The following GALNT5 variants were observed in gnomAD, a reference collection of about 807,000 sequenced individuals.
The protein encoded by GALNT5 is UDP-GalNAc:polypeptide N-acetylgalactosaminyltransferase 5.
A neutral mutation model predicts 85.4 loss-of-function variants in GALNT5; 72 were observed. That is an observed-to-expected ratio of 0.84 (90% CI 0.70 to 1.03). The LOEUF is 1.03. GALNT5 is among the 50% of genes least tolerant of loss of function. The probability of loss-of-function intolerance (pLI) is 0.00; values close to 1 mark genes in which losing one functional copy is unlikely to be tolerated. For missense variants in GALNT5, 1,137 were observed against 1,135.5 expected (o/e 1.00, Z -0.02); for synonymous variants, 404 against 397.0 (o/e 1.02, Z -0.21).
Position 157,259,039 on chromosome 2 carries a change from A to T in GALNT5, c.957A>T (p.Glu319Asp). Reference sequence around the variant, plus strand: ...ATGGGAAGAAACTCAATTTCTCTGAAAGCCATCTTGTGATTATAACCAAAG... The same window carrying T: ...ATGGGAAGAAACTCAATTTCTCTGATAGCCATCTTGTGATTATAACCAAAG... ...GAHGKKLNFSESHLVIITKEE... is the reference protein window; with the variant it reads ...GAHGKKLNFSDSHLVIITKEE... The change falls in exon 1 of 10, where the codon GAA (glutamate) becomes GAT (aspartate). Residue 319 changes from glutamate to aspartate, a missense_variant. Transcript: ENST00000259056. The T allele has an allele frequency of 6.8e-7, 1 of 1,475,034 alleles. No homozygotes were observed. The highest frequency in any genetic ancestry group is 9.0e-7 in the Non-Finnish European group (1 of 1,111,220). 91.4% of individuals were successfully genotyped at this position (1,475,034 alleles called of 1,614,324 possible).
rs1682222926 is a variant in GALNT5, at chr2:157,257,950, T to C, written c.-133T>C. 6.9e-6 allele frequency: 6 copies of C among 864,450 alleles called. No individual in the cohort carries two copies. The highest frequency in any genetic ancestry group is 1.1e-5 in the Non-Finnish European group (6 of 533,126). The allele number at this position is 864,450 out of a possible 1,614,324, so 53.5% of individuals were successfully genotyped here. A position where few individuals can be genotyped will look rare whatever the true frequency, so the allele number is the denominator to read the frequency against. ...GCTTTCCCCTTGGACTGCTGCTTCC[T>C]GCTGTGTTCAGGGGAGGGGGTCACT... On this transcript the variant is annotated 5_prime_UTR_variant, in exon 1 of 10. Transcript: ENST00000259056.
chr2:157,289,593 C>A (rs765148724), intron 3 of GALNT5, among the ~76,000 whole-genome samples: 6 of 152,106 alleles, frequency 3.9e-5, no homozygotes, highest in Non-Finnish European at 5.9e-5. Context: ...TGAAAAACCC[C>A]AGCTAGGTGT....
In GALNT5 at chr2:157,311,595, A is replaced by T. The variant is rs534431516; in HGVS notation, c.*247A>T. 3.4e-6 allele frequency: 1 copy of T among 297,834 alleles called. No homozygotes were observed. Among genetic ancestry groups the T allele is most frequent in the Non-Finnish European group, 6.1e-6 (1 of 163,000 alleles). 18.4% of individuals were successfully genotyped at this position (297,834 alleles called of 1,614,324 possible). A position where few individuals can be genotyped will look rare whatever the true frequency, so the allele number is the denominator to read the frequency against. The stretch of plus-strand genomic sequence containing the variant: ...TTGCCTGCTTTCCACCCTATGCTAG[A>T]CCTCATCATGCAAATTTCCCTGTGA... On this transcript the variant is annotated 3_prime_UTR_variant, in exon 10 of 10. Transcript: ENST00000259056.
chr2:157,272,426 C>T (rs1486787091), intron 1 of GALNT5, among the ~76,000 whole-genome samples: 1 of 152,094 alleles, frequency 6.6e-6, no homozygotes, highest in African/African-American at 2.4e-5. Context: ...AGGTTTGTTA[C>T]AGGGTATATT....
At position 157,272,289 on chromosome 2, in the gene GALNT5, CCCT is replaced by C. The variant is rs1171616440; in HGVS notation, c.1455-11989_1455-11987del. Among the ~76,000 whole-genome samples, 4 of 152,104 alleles carry C rather than the reference CCCT, an allele frequency of 2.6e-5. No individual in the cohort carries two copies. The East Asian group carries it at 5.8e-4, about 22-fold the overall frequency. On this transcript the variant is annotated intron_variant, in intron 1 of 9. Coordinates refer to ENST00000259056, the MANE Select transcript of GALNT5 (RefSeq NM_014568.3). ...ATTTTCCTGGTATCCCACCTATCTA[CCCT>C]CCTATTTCTTTCTTTTCTAGGTTTT... is the stretch of plus-strand genomic sequence containing the variant.
intron 1 of GALNT5, among the ~76,000 whole-genome samples, chr2:157,283,274 A>C (rs968517004): frequency 2.0e-5 from 3 of 152,230 alleles, no homozygotes; most frequent in Non-Finnish European, 4.4e-5. Flanking sequence ...TATGATCATC[A>C]TTAATTATCA....
chr2:157,301,373 G>T, intron 7 of GALNT5: 1 of 257,820 alleles, frequency 3.9e-6, no homozygotes, highest in South Asian at 4.9e-5. Flanking sequence ...CTCTCATTTA[G>T]GGAACAGGCC....
intron 1 of GALNT5, among the ~76,000 whole-genome samples, chr2:157,276,267 T>G (rs1412047605): frequency 6.6e-6 from 1 of 152,182 alleles, no homozygotes; most frequent in African/African-American, 2.4e-5. Context: ...ATCAGGGATA[T>G]TGGTCTAAAA....
intron 1 of GALNT5, among the ~76,000 whole-genome samples, chr2:157,262,142 T>C (rs1364647090): frequency 6.8e-6 from 1 of 148,138 alleles, no homozygotes; most frequent in Non-Finnish European, 1.5e-5. Flanking sequence ...TCCACTGTTA[T>C]AGATGAATTC....
At chr2:157,275,254 A>G (rs995306703) in intron 1 of GALNT5, among the ~76,000 whole-genome samples, 1 of 152,200 alleles carries the variant, frequency 6.6e-6, no homozygotes, top group Non-Finnish European at 1.5e-5. Context: ...GTTTGAAGTC[A>G]GGTAGCGTGA....
At chr2:157,266,819 T>C (rs1393281818) in intron 1 of GALNT5, among the ~76,000 whole-genome samples, 1 of 152,186 alleles carries the variant, frequency 6.6e-6, no homozygotes, top group African/African-American at 2.4e-5. Flanking sequence ...TCATATGACA[T>C]TGGCAGAAAT....
Position 157,316,712 on chromosome 2 carries a change from A to G in GALNT5, c.*5364A>G, listed in dbSNP as rs1683713178. On this transcript the variant is annotated 3_prime_UTR_variant, in exon 10 of 10. Coordinates refer to ENST00000259056, the MANE Select transcript of GALNT5 (RefSeq NM_014568.3). ...GTATTATATATCCCTAATGAAGCTT[A>G]ATGGATAGTATTCCAGGTGTTGGTG... Among the ~76,000 whole-genome samples the G allele has an allele frequency of 6.6e-6, 1 of 152,192 alleles. No individual in the cohort carries two copies. Among genetic ancestry groups the G allele is most frequent in the Non-Finnish European group, 1.5e-5 (1 of 68,030 alleles).
At chr2:157,268,979 A>G (rs1379881865) in intron 1 of GALNT5, among the ~76,000 whole-genome samples, 1 of 152,206 alleles carries the variant, frequency 6.6e-6, no homozygotes, top group Non-Finnish European at 1.5e-5. Context: ...CCCATGATAT[A>G]GGCAGAAATT....
intron 3 of GALNT5, among the ~76,000 whole-genome samples, chr2:157,292,777 C>T (rs1558899592): frequency 6.6e-6 from 1 of 152,024 alleles, no homozygotes; most frequent in East Asian, 1.9e-4. Flanking sequence ...GTGATCTCTG[C>T]TCACTGCAAC....
In GALNT5 at chr2:157,258,166, T is replaced by C. The variant is rs887724104; in HGVS notation, c.84T>C (p.Phe28=). 6.2e-7 allele frequency: 1 copy of C among 1,614,042 alleles called. No individual in the cohort carries two copies. The highest frequency in any genetic ancestry group is 1.7e-5 in the Admixed American group (1 of 60,018). The change falls in exon 1 of 10, where the codon TTT becomes TTC. Residue 28 remains phenylalanine, a synonymous_variant. Transcript: ENST00000259056. ...TAGCTTCTGTCATCTGGCTCCTCTTTGACATGGCAGCTCTCCGCCTCTCAT... is the reference window on the plus strand; with the variant it reads ...TAGCTTCTGTCATCTGGCTCCTCTTCGACATGGCAGCTCTCCGCCTCTCAT... ...IFVASVIWLL[F]DMAALRLSFS... is the part of the protein sequence containing the mutation.
intron 1 of GALNT5, among the ~76,000 whole-genome samples, chr2:157,272,224 C>T (rs1254397457): frequency 6.6e-6 from 1 of 151,986 alleles, no homozygotes; most frequent in African/African-American, 2.4e-5. Flanking sequence ...TGATTCTGTC[C>T]ATGTCTACTC....
Position 157,316,352 on chromosome 2 carries a change from A to G in GALNT5, c.*5004A>G, listed in dbSNP as rs1683704606. Among the ~76,000 whole-genome samples the G allele has an allele frequency of 6.6e-6, 1 of 152,090 alleles. No homozygotes were observed. Among genetic ancestry groups the G allele is most frequent in the Non-Finnish European group, 1.5e-5 (1 of 68,010 alleles). On this transcript the variant is annotated 3_prime_UTR_variant, in exon 10 of 10. Coordinates refer to ENST00000259056, the MANE Select transcript of GALNT5 (RefSeq NM_014568.3). ...TTAAAGGAAAAATCCACCGAGAACT[A>G]TTTTACCCTTTCTAATGGCCTAAAA...
chr2:157,295,864 T>A, intron 4 of GALNT5, 66 bp downstream of exon 4: 1 of 1,181,150 alleles, frequency 8.5e-7, no homozygotes. Context: ...CAGAAAGTGC[T>A]GAGTATATGC....
chr2:157,302,581 A>T (rs1413760570), intron 7 of GALNT5: 1 of 48,658 alleles, frequency 2.1e-5, no homozygotes, highest in Non-Finnish European at 8.8e-5. Context: ...ACCGCTGAGC[A>T]GAAAAAAAAA....
Sources: allele counts gnomAD v4.1 joint callset (sites outside exome capture counted in the v4.1 genomes callset), GRCh38; gene constraint gnomAD v4.1.1; transcripts MANE v1.5; gene names NCBI Gene and HGNC (gene_info 2026-07-23, HGNC 2026-07-21).